The following RAF1 variants were observed in gnomAD, a reference collection of about 807,000 sequenced individuals.
The protein encoded by RAF1 is Raf-1 proto-oncogene, serine/threonine kinase, also known as RAF proto-oncogene serine/threonine-protein kinase.
In RAF1, 27 loss-of-function variants were observed where a neutral mutation model predicts 81.1. The observed-to-expected ratio is 0.33, with a 90% CI of 0.25 to 0.46. RAF1 has a LOEUF of 0.46. Ranked by LOEUF, RAF1 falls within the 20% of genes least tolerant of loss-of-function variation. RAF1 has a pLI of 1.00. For synonymous variants in RAF1, 298 were observed against 294.0 expected (o/e 1.01, Z -0.14); for missense variants, 598 against 826.0 (o/e 0.72, Z 3.38).
At chr3:12,636,461 T>C (rs1313740088) in intron 1 of RAF1, among the ~76,000 whole-genome samples, 2 of 140,228 alleles carry the variant, frequency 1.4e-5, no homozygotes, top group Non-Finnish European at 3.1e-5. Context: ...AAAAAACTGA[T>C]TGATTACATT....
At chr3:12,645,623 T>G (rs887530762) in intron 1 of RAF1, among the ~76,000 whole-genome samples, 2 of 152,226 alleles carry the variant, frequency 1.3e-5, no homozygotes, top group Admixed American at 6.5e-5. Flanking sequence ...AATACAGTAA[T>G]GTAGTGGTTA....
At position 12,600,257 on chromosome 3, in the gene RAF1, A is replaced by C; in HGVS notation, c.945T>G (p.Ser315Arg). Residue 315 changes from serine to arginine, a missense_variant, in exon 10 of 18, where the codon AGT (serine) becomes AGG (arginine). By Grantham distance (110) the Ser-to-Arg change is moderately radical. This residue lies in a region of RAF1 where 194 missense variants were observed against 202.7 expected (regional missense o/e 0.96). Transcript: ENST00000442415. ...CTGTTGGGCTCAGATTGTTGGGGCT[A>C]CTGGACAGGGCTGAAGGTGAGGCTT... 6.2e-7 allele frequency: 1 copy of C among 1,614,210 alleles called. No homozygotes were observed. Among genetic ancestry groups the C allele is most frequent in the Non-Finnish European group, 8.5e-7 (1 of 1,180,038 alleles).
rs1390691427 is a variant in RAF1 at position 12,645,436 on chromosome 3, CA to C, written c.-27+18376del. Reference sequence around the variant, plus strand: ...AGGTTTAGTGACAATTTAAGAGAAGCAAAATTAAAAATTCAGATACTCAGAC... The same window carrying C: ...AGGTTTAGTGACAATTTAAGAGAAGCAAATTAAAAATTCAGATACTCAGAC... On this transcript the variant is annotated intron_variant, in intron 1 of 17. Transcript: ENST00000442415. Among the ~76,000 whole-genome samples, 3 of 152,022 alleles carry C rather than the reference CA, an allele frequency of 2.0e-5. No homozygotes were observed. In the South Asian group the frequency reaches 6.2e-4, roughly 32 times the overall value.
chr3:12,594,197 A>G (rs1357556719), intron 11 of RAF1, among the ~76,000 whole-genome samples: 5 of 152,292 alleles, frequency 3.3e-5, no homozygotes, highest in Admixed American at 2.0e-4. Flanking sequence ...CTCAGAAAGA[A>G]GGGATGAAGG....
Position 12,597,669 on chromosome 3 carries a change from C to T in RAF1, c.1168+2022G>A, listed in dbSNP as rs541201984. ...GTGGCTCACACCTGCAATCCCAGTA[C>T]TTTGGGAGGCCGAGGCAGGCGGATC... On this transcript the variant is annotated intron_variant, in intron 11 of 17. Transcript: ENST00000442415. 6.6e-5 allele frequency among the ~76,000 whole-genome samples: 10 copies of T among 152,202 alleles called. No homozygotes were observed. In the East Asian group the frequency reaches 1.9e-3, roughly 29 times the overall value.
intron 1 of RAF1, among the ~76,000 whole-genome samples, chr3:12,628,393 G>T (rs2059768664): frequency 6.6e-6 from 1 of 152,068 alleles, no homozygotes; most frequent in Non-Finnish European, 1.5e-5. Flanking sequence ...CGGGTGTGGT[G>T]GCATGCACCT....
chr3:12,597,306 T>C (rs2058716377), intron 11 of RAF1, among the ~76,000 whole-genome samples: 2 of 152,280 alleles, frequency 1.3e-5, no homozygotes, highest in South Asian at 2.1e-4. Context: ...CTCACTCTAT[T>C]GAGAGAAGAC....
rs180893643 is a variant in RAF1 at position 12,611,034 on chromosome 3, G to A, written c.320+916C>T. Among the ~76,000 whole-genome samples the A allele has an allele frequency of 8.5e-4, 130 of 152,100 alleles. 1 individual carries two copies. Among genetic ancestry groups the A allele is most frequent in the Admixed American group, 1.6e-3 (25 of 15,278 alleles). On this transcript the variant is annotated intron_variant, in intron 3 of 17. Coordinates refer to ENST00000442415, the MANE Select transcript of RAF1 (RefSeq NM_001354689.3). ...AAAAAAAAATTAGTGAATGAGAAAA[G>A]TCAATCTCCCGAGGATAGCATTCTT...
At chr3:12,611,205 GT>G (rs1376621868) in intron 3 of RAF1, among the ~76,000 whole-genome samples, 1 of 151,866 alleles carries the variant, frequency 6.6e-6, no homozygotes, top group Non-Finnish European at 1.5e-5. Flanking sequence ...ACATGTGTTT[GT>G]TTTTGTTTTT....
chr3:12,662,864 A>C (rs924272908), intron 1 of RAF1, among the ~76,000 whole-genome samples: 1 of 152,076 alleles, frequency 6.6e-6, no homozygotes, highest in African/African-American at 2.4e-5. Flanking sequence ...TTCACGCCTT[A>C]GGAGCGCAGG....
intron 1 of RAF1, among the ~76,000 whole-genome samples, chr3:12,623,510 G>A (rs1316839039): frequency 6.6e-6 from 1 of 152,154 alleles, no homozygotes; most frequent in Non-Finnish European, 1.5e-5. Context: ...TAAGAGGCAG[G>A]CTAAGGGTTG....
At chr3:12,597,134 G>A (rs1259561510) in intron 11 of RAF1, among the ~76,000 whole-genome samples, 5 of 151,936 alleles carry the variant, frequency 3.3e-5, no homozygotes, top group East Asian at 1.9e-4. Context: ...TACTGACCTC[G>A]TGATCCACCC....
At chr3:12,660,152 C>T (rs2060829718) in intron 1 of RAF1, among the ~76,000 whole-genome samples, 3 of 120,156 alleles carry the variant, frequency 2.5e-5, no homozygotes, top group Admixed American at 1.6e-4. Flanking sequence ...AGTCTAAGAG[C>T]AACTGTAATA....
Position 12,603,534 on chromosome 3 carries a change from T to C in RAF1, c.838A>G (p.Asn280Asp). 1.4e-6 allele frequency: 1 copy of C among 701,242 alleles called. No homozygotes were observed. Among genetic ancestry groups the C allele is most frequent in the Non-Finnish European group, 2.6e-6 (1 of 383,792 alleles). 43.4% of individuals were successfully genotyped at this position (701,242 alleles called of 1,614,324 possible). A position where few individuals can be genotyped will look rare whatever the true frequency, so the allele number is the denominator to read the frequency against. ...GCCCTGGGAGAAGCACTCAGGTTGT[T>C]ATTCTAGTCCAAAGCAATGAGAAAT... Residue 280 changes from asparagine to aspartate, a missense_variant, in exon 8 of 18, where the codon AAC becomes GAC. This residue lies in a region of RAF1 where 194 missense variants were observed against 202.7 expected (regional missense o/e 0.96). Transcript: ENST00000442415.
chr3:12,615,258 T>C (rs1199024047), intron 2 of RAF1, among the ~76,000 whole-genome samples: 2 of 152,096 alleles, frequency 1.3e-5, no homozygotes, highest in Non-Finnish European at 2.9e-5. Flanking sequence ...GCAGCAGCAA[T>C]AGCAGCAACA....
chr3:12,630,301 AT>A (rs1172720977), intron 1 of RAF1, among the ~76,000 whole-genome samples: 9 of 151,976 alleles, frequency 5.9e-5, no homozygotes, highest in Admixed American at 2.6e-4. Flanking sequence ...CCATATACCA[AT>A]TTTCGTCACT....
At chr3:12,623,719 G>A (rs1031302049) in intron 1 of RAF1, among the ~76,000 whole-genome samples, 3 of 149,142 alleles carry the variant, frequency 2.0e-5, no homozygotes, top group Non-Finnish European at 4.4e-5. Context: ...GCATGAACCT[G>A]GGAGGCGGAG....
At chr3:12,643,955 G>C (rs904122814) in intron 1 of RAF1, among the ~76,000 whole-genome samples, 1 of 152,090 alleles carries the variant, frequency 6.6e-6, no homozygotes, top group Non-Finnish European at 1.5e-5. Flanking sequence ...AATAACTTCG[G>C]TGAATTGTTG....
chr3:12,600,898 C>G (rs555360810), intron 8 of RAF1, among the ~76,000 whole-genome samples: 1 of 152,194 alleles, frequency 6.6e-6, no homozygotes, highest in Non-Finnish European at 1.5e-5. Flanking sequence ...AAACCACATT[C>G]TTTTTCTCAA....
Sources: allele counts gnomAD v4.1 joint callset (sites outside exome capture counted in the v4.1 genomes callset), GRCh38; gene constraint gnomAD v4.1.1; regional missense constraint gnomAD v4.1.1; transcripts MANE v1.5; gene names NCBI Gene and HGNC (gene_info 2026-07-23, HGNC 2026-07-21).